DCC: variants seen among roughly 807,000 people sequenced by gnomAD.
DCC encodes netrin receptor DCC.
Under a neutral mutation model 172.5 loss-of-function variants are expected in DCC, and 58 were observed. The observed-to-expected ratio is 0.34, with a 90% CI of 0.27 to 0.42. The LOEUF (loss-of-function observed/expected upper bound fraction) is 0.42. Ranked by LOEUF, DCC falls within the 10% of genes least tolerant of loss-of-function variation. DCC has a pLI of 1.00. For missense variants in DCC, 1,740 were observed against 1,791.0 expected, an observed-to-expected ratio of 0.97 and a Z score of 0.51; for synonymous variants, 709 against 644.5, an observed-to-expected ratio of 1.10 and a Z score of -1.52.
At chr18:52,892,406 A>T (rs1170787798) in intron 2 of DCC, 1 of 152,110 alleles carries the variant, frequency 6.6e-6, no homozygotes. Context: ...CTTTCTTCTC[A>T]GACTAGGTGT....
chr18:53,512,966 C>G (rs1393306575), intron 27 of DCC, among the ~76,000 whole-genome samples: 2 of 152,038 alleles, frequency 1.3e-5, no homozygotes, highest in Non-Finnish European at 2.9e-5. Context: ...GAGAATGCCA[C>G]AAAGATACTC....
In DCC at chr18:53,402,821, A is replaced by G. The variant is rs1218682249; in HGVS notation, c.2863A>G (p.Thr955Ala). The part of the protein sequence containing the change: ...TSAPKDLTVI[T>A]REGKPRAVIV... ...TGCTCCCAAGGACTTGACAGTCATT[A>G]CTAGGGAAGGGAAGCCTCGTGCCGT... is the stretch of plus-strand genomic sequence containing the variant. Residue 955 changes from threonine (T) to alanine (A), a missense_variant, in exon 19 of 29, where the codon ACT (threonine) becomes GCT (alanine). Thr to Ala is a moderately conservative substitution (Grantham distance 58, BLOSUM62 0). Transcript: ENST00000442544. 3 of 1,613,976 alleles carry G rather than the reference A, an allele frequency of 1.9e-6. No homozygotes were observed. The Admixed American group carries it at 5.0e-5, about 27-fold the overall frequency.
intron 5 of DCC, among the ~76,000 whole-genome samples, chr18:53,056,764 C>T (rs1303800169): frequency 6.6e-6 from 1 of 151,986 alleles, no homozygotes; most frequent in Non-Finnish European, 1.5e-5. Flanking sequence ...CACAGCCACT[C>T]AAAGATTATG....
intron 1 of DCC, among the ~76,000 whole-genome samples, chr18:52,738,584 CTT>C (rs1223759542): frequency 2.6e-5 from 4 of 152,126 alleles, no homozygotes; most frequent in African/African-American, 7.2e-5. Context: ...AATACAAAGA[CTT>C]AGGAAGTTAC....
chr18:52,660,788 C>T (rs1017460693), intron 1 of DCC, among the ~76,000 whole-genome samples: 14 of 152,106 alleles, frequency 9.2e-5, no homozygotes, highest in Non-Finnish European at 1.9e-4. Context: ...CTGGGCTTCC[C>T]TTTCTTATCA....
At chr18:53,206,965 G>A (rs1240743766) in intron 10 of DCC, among the ~76,000 whole-genome samples, 1 of 152,088 alleles carries the variant, frequency 6.6e-6, no homozygotes, top group South Asian at 2.1e-4. Flanking sequence ...CTCCTCCTAT[G>A]TAATCATGGG....
intron 27 of DCC, among the ~76,000 whole-genome samples, chr18:53,522,781 C>T: frequency 6.6e-6 from 1 of 152,138 alleles, no homozygotes; most frequent in African/African-American, 2.4e-5. Context: ...GGATTAAAGA[C>T]TTAAATGTAA....
chr18:52,947,859 A>C (rs2040573178), intron 5 of DCC, among the ~76,000 whole-genome samples: 1 of 152,200 alleles, frequency 6.6e-6, no homozygotes, highest in Non-Finnish European at 1.5e-5. Context: ...ACTGAATTTC[A>C]AACCTTGAGG....
intron 1 of DCC, among the ~76,000 whole-genome samples, chr18:52,714,051 C>T (rs1300949620): frequency 6.6e-6 from 1 of 152,126 alleles, no homozygotes; most frequent in Non-Finnish European, 1.5e-5. Context: ...CTGGCACAGC[C>T]CTAAGTACTT....
At chr18:52,841,286 T>C (rs1568137970) in intron 2 of DCC, among the ~76,000 whole-genome samples, 1 of 147,688 alleles carries the variant, frequency 6.8e-6, no homozygotes, top group East Asian at 2.0e-4. Context: ...GTTTTCTGCT[T>C]AAAAAAAAAA....
At chr18:52,814,102 G>A (rs1265700064) in intron 2 of DCC, among the ~76,000 whole-genome samples, 1 of 152,162 alleles carries the variant, frequency 6.6e-6, no homozygotes, top group Non-Finnish European at 1.5e-5. Context: ...AATACACATA[G>A]GTGTACCCTG....
intron 11 of DCC, among the ~76,000 whole-genome samples, chr18:53,208,235 A>C (rs1240416037): frequency 6.6e-6 from 1 of 151,332 alleles, no homozygotes; most frequent in Non-Finnish European, 1.5e-5. Flanking sequence ...TGATCGTTCT[A>C]CTGCACTCCA....
At chr18:52,699,771 T>C (rs1348547811) in intron 1 of DCC, among the ~76,000 whole-genome samples, 2 of 152,176 alleles carry the variant, frequency 1.3e-5, no homozygotes, top group African/African-American at 4.8e-5. Context: ...TACTTTTTTT[T>C]TCTCTGAATT....
At chr18:53,389,585 GAGGAAGTGTCAAGA>G (rs995236739) in intron 16 of DCC, among the ~76,000 whole-genome samples, 4 of 152,104 alleles carry the variant, frequency 2.6e-5, no homozygotes, top group African/African-American at 9.7e-5. Context: ...CACAGCTCTG[GAGGAAGTGTCAAGA>G]AGGATGACAA....
chr18:52,493,905 C>T (rs1017789861), intron 1 of DCC, among the ~76,000 whole-genome samples: 1 of 151,992 alleles, frequency 6.6e-6, no homozygotes, highest in African/African-American at 2.4e-5. Context: ...ACACTAATTT[C>T]CCTTGAAATA....
intron 7 of DCC, among the ~76,000 whole-genome samples, chr18:53,121,435 T>C (rs1054793525): frequency 5.5e-4 from 83 of 151,946 alleles, no homozygotes; most frequent in African/African-American, 1.5e-3. Flanking sequence ...ACATTTCTTA[T>C]TGTTGTCTTC....
chr18:52,438,542 C>G (rs1489332510), intron 1 of DCC, among the ~76,000 whole-genome samples: 1 of 152,084 alleles, frequency 6.6e-6, no homozygotes, highest in Non-Finnish European at 1.5e-5. Context: ...TTGTTCCAAA[C>G]AAAAGTTTTA....
At chr18:52,491,736 A>G (rs1483695515) in intron 1 of DCC, among the ~76,000 whole-genome samples, 3 of 152,190 alleles carry the variant, frequency 2.0e-5, no homozygotes, top group East Asian at 3.9e-4. Flanking sequence ...GATGTATGCA[A>G]TATGGGAGAA....
At chr18:53,060,950 G>T (rs1468044110) in intron 5 of DCC, among the ~76,000 whole-genome samples, 1 of 152,136 alleles carries the variant, frequency 6.6e-6, no homozygotes, top group Middle Eastern at 3.4e-3. Context: ...TTGAAAAAAA[G>T]CAAGAGGCTA....
Sources: allele counts gnomAD v4.1 joint callset (sites outside exome capture counted in the v4.1 genomes callset), GRCh38; gene constraint gnomAD v4.1.1; transcripts MANE v1.5; gene names NCBI Gene and HGNC (gene_info 2026-07-23, HGNC 2026-07-21).